SCARB1: variants seen among roughly 807,000 people sequenced by gnomAD.
The protein encoded by SCARB1 is CD36 and LIMPII analogous 1.
SCARB1 carries 30 observed loss-of-function variants against 57.2 expected under a neutral mutation model. The observed-to-expected ratio is 0.52, with a 90% CI of 0.39 to 0.71. The LOEUF (loss-of-function observed/expected upper bound fraction) is 0.71. SCARB1 is among the 30% of genes least tolerant of loss of function. The pLI is 0.00. For synonymous variants in SCARB1, 249 were observed against 268.3 expected (o/e 0.93, Z 0.70); for missense variants, 543 against 671.2 (o/e 0.81, Z 2.11).
intron 1 of SCARB1, among the ~76,000 whole-genome samples, chr12:124,845,936 C>T (rs574802154): frequency 1.6e-4 from 25 of 151,968 alleles, no homozygotes; most frequent in South Asian, 1.0e-3. Context: ...CGCTTGAACC[C>T]GGGAGGCGGA....
At chr12:124,815,872 A>T (rs931146573) in intron 2 of SCARB1, among the ~76,000 whole-genome samples, 2 of 152,166 alleles carry the variant, frequency 1.3e-5, no homozygotes, top group Admixed American at 1.3e-4. Flanking sequence ...TCAAAAAAAA[A>T]AGTAGAAATC....
At chr12:124,815,219 G>T in intron 2 of SCARB1, 105 bp from the exon 3 acceptor site, 1 of 1,308,892 alleles carries the variant, frequency 7.6e-7, no homozygotes, top group Non-Finnish European at 1.1e-6. Context: ...CTGGACGTCT[G>T]TGCACACCTC....
At chr12:124,857,132 C>T (rs1314063737) in intron 1 of SCARB1, among the ~76,000 whole-genome samples, 1 of 152,172 alleles carries the variant, frequency 6.6e-6, no homozygotes, top group East Asian at 1.9e-4. Context: ...ACGCAGTGCG[C>T]AGAGGCCACC....
chr12:124,778,211 A>C lies in SCARB1; in HGVS notation c.*376T>G. 2.7e-6 allele frequency: 1 copy of C among 366,322 alleles called. No homozygotes were observed. The highest frequency in any genetic ancestry group is 2.1e-5 in the African/African-American group (1 of 47,996). 22.7% of individuals were successfully genotyped at this position (366,322 alleles called of 1,614,324 possible). On this transcript the variant is annotated 3_prime_UTR_variant, in exon 13 of 13. Transcript: ENST00000261693. ...CAGTGTTTCACCTTGGAGGGGAGGAAGCCTGGGCCCAACGGCTGAACGGGA... is the reference window on the plus strand; with the variant it reads ...CAGTGTTTCACCTTGGAGGGGAGGACGCCTGGGCCCAACGGCTGAACGGGA...
At chr12:124,781,720 T>C (rs1440282056) in intron 12 of SCARB1, among the ~76,000 whole-genome samples, 11 of 152,120 alleles carry the variant, frequency 7.2e-5, no homozygotes, top group Non-Finnish European at 4.4e-5. Context: ...AAATTACTTA[T>C]TGCTTACCAG....
intron 6 of SCARB1, 125 bp from the exon 7 acceptor site, chr12:124,808,052 G>T: frequency 1.1e-6 from 1 of 892,606 alleles, no homozygotes; most frequent in Non-Finnish European, 1.8e-6. Flanking sequence ...GGTCCAAACC[G>T]CCCCCATCTC....
intron 7 of SCARB1, among the ~76,000 whole-genome samples, chr12:124,806,090 G>A (rs929935019): frequency 3.3e-5 from 5 of 152,180 alleles, no homozygotes; most frequent in African/African-American, 7.2e-5. Context: ...AGCAGTGACC[G>A]CACTGGATGG....
At chr12:124,808,011 C>T in intron 6 of SCARB1, 84 bp from the exon 7 acceptor site, 3 of 1,368,076 alleles carry the variant, frequency 2.2e-6, no homozygotes, top group Non-Finnish European at 3.1e-6. Context: ...CAGATCCAGC[C>T]ACTTCTCCCC....
intron 1 of SCARB1, among the ~76,000 whole-genome samples, chr12:124,862,783 A>G (rs1024176932): frequency 6.6e-6 from 1 of 152,174 alleles, no homozygotes; most frequent in Non-Finnish European, 1.5e-5. Context: ...TCATTCAAAC[A>G]GGCCACCCAG....
At chr12:124,793,922 A>G (rs2135572971) in intron 9 of SCARB1, among the ~76,000 whole-genome samples, 1 of 152,334 alleles carries the variant, frequency 6.6e-6, no homozygotes, top group South Asian at 2.1e-4. Context: ...ACGTCCATCA[A>G]CCGATAAATA....
chr12:124,838,251 A>G (rs1951771030), intron 1 of SCARB1, among the ~76,000 whole-genome samples: 1 of 152,220 alleles, frequency 6.6e-6, no homozygotes, highest in South Asian at 2.1e-4. Context: ...CATTAGGGAG[A>G]GGGCCAGGGC....
At chr12:124,806,758 T>C (rs1206700373) in intron 7 of SCARB1, among the ~76,000 whole-genome samples, 4 of 151,262 alleles carry the variant, frequency 2.6e-5, no homozygotes, top group African/African-American at 9.7e-5. Context: ...TAAAATTAGC[T>C]AGGTATCATG....
intron 1 of SCARB1, among the ~76,000 whole-genome samples, chr12:124,851,430 G>GT (rs1316043398): frequency 1.3e-5 from 2 of 148,806 alleles, no homozygotes; most frequent in Non-Finnish European, 3.0e-5. Context: ...GGTCACTGCT[G>GT]TTTTCCTTTT....
chr12:124,855,498 G>A (rs1209088583), intron 1 of SCARB1, among the ~76,000 whole-genome samples: 1 of 152,214 alleles, frequency 6.6e-6, no homozygotes, highest in African/African-American at 2.4e-5. Flanking sequence ...TTGCAAGACA[G>A]CTCCAGCCTG....
chr12:124,818,888 C>T lies in SCARB1; in HGVS notation c.127-1181G>A, dbSNP rs12314270. On this transcript the variant is annotated intron_variant, in intron 1 of 12. Coordinates refer to ENST00000261693, the MANE Select transcript of SCARB1 (RefSeq NM_005505.5). ...GTTGGCCAGGCTGGTCTCCTGACCT[C>T]AAGTGATCCGTCTGCCTTGGCCTCC... is the stretch of plus-strand genomic sequence containing the variant. Among the ~76,000 whole-genome samples the T allele has an allele frequency of 1.8e-3, 270 of 152,216 alleles. 3 individuals are homozygous for T. Among genetic ancestry groups the T allele is most frequent in the African/African-American group, 6.1e-3 (254 of 41,526 alleles).
chr12:124,804,410 T>C (rs1437913304), intron 7 of SCARB1, among the ~76,000 whole-genome samples: 1 of 152,200 alleles, frequency 6.6e-6, no homozygotes, highest in Non-Finnish European at 1.5e-5. Context: ...AACATCTAAG[T>C]TCTGGATTTG....
chr12:124,859,855 G>GT (rs374140221), intron 1 of SCARB1, among the ~76,000 whole-genome samples: 8 of 151,418 alleles, frequency 5.3e-5, no homozygotes, highest in East Asian at 3.9e-4. Flanking sequence ...TGTTTGGTGG[G>GT]TTTTTTTTAA....
chr12:124,801,569 G>T lies in SCARB1; in HGVS notation c.1010-1327C>A, dbSNP rs564165924. On this transcript the variant is annotated intron_variant, in intron 7 of 12. Transcript: ENST00000261693. ...AGGCCAAGGCGGGTGGATCACTTGA[G>T]GTCAGAAGTTCAAGACCAGCCTGGG... 1.6e-4 allele frequency among the ~76,000 whole-genome samples: 25 copies of T among 152,240 alleles called. 1 individual carries two copies. In the South Asian group the frequency reaches 5.0e-3, roughly 30 times the overall value.
At chr12:124,846,793 T>G (rs1952177110) in intron 1 of SCARB1, among the ~76,000 whole-genome samples, 1 of 144,986 alleles carries the variant, frequency 6.9e-6, no homozygotes, top group Non-Finnish European at 1.5e-5. Context: ...TTCTTCCGAT[T>G]AGCATCATGA....
Sources: allele counts gnomAD v4.1 joint callset (sites outside exome capture counted in the v4.1 genomes callset), GRCh38; gene constraint gnomAD v4.1.1; transcripts MANE v1.5; gene names NCBI Gene and HGNC (gene_info 2026-07-23, HGNC 2026-07-21).